Variants in SMAD2 observed in about 807,000 individuals in gnomAD.
SMAD2 encodes MAD homolog 2.
In SMAD2, 8 loss-of-function variants were observed where a neutral mutation model predicts 64.4. The observed-to-expected ratio is 0.12, with a 90% confidence interval of 0.07 to 0.22. SMAD2 has a LOEUF of 0.22. Ranked by LOEUF, SMAD2 falls within the 10% of genes least tolerant of loss-of-function variation. The pLI, the probability that SMAD2 is intolerant of heterozygous loss-of-function variation, is 1.00. For missense variants in SMAD2, 289 were observed against 561.2 expected, an observed-to-expected ratio of 0.51 and a Z score of 4.90; for synonymous variants, 203 against 195.8, an observed-to-expected ratio of 1.04 and a Z score of -0.31.
intron 6 of SMAD2, among the ~76,000 whole-genome samples, chr18:47,862,375 G>A (rs1013829331): frequency 1.3e-5 from 2 of 152,188 alleles, no homozygotes; most frequent in African/African-American, 4.8e-5. Context: ...TAAGTCCCAA[G>A]ACAAGGTGTC....
At chr18:47,847,700 C>CAAAA (rs58794971) in intron 8 of SMAD2, among the ~76,000 whole-genome samples, 25 of 111,884 alleles carry the variant, frequency 2.2e-4, no homozygotes, top group Admixed American at 9.8e-4. Context: ...ATTTCCAAAG[C>CAAAA]AAAAAAAAAA....
At chr18:47,903,766 A>G (rs1171840434) in intron 1 of SMAD2, among the ~76,000 whole-genome samples, 1 of 151,422 alleles carries the variant, frequency 6.6e-6, no homozygotes, top group Non-Finnish European at 1.5e-5. Flanking sequence ...AAACTATAGT[A>G]TTAGAAATTA....
chr18:47,922,625 C>G (rs1417959581), intron 1 of SMAD2: 1 of 151,988 alleles, frequency 6.6e-6, no homozygotes, highest in Admixed American at 6.6e-5. Context: ...CTGTGGAGAC[C>G]GAGATTTTTA....
Position 47,847,203 on chromosome 18 carries a change from T to C in SMAD2, c.997+1272A>G, listed in dbSNP as rs1013514594. Among the ~76,000 whole-genome samples, 7 of 152,268 alleles carry C rather than the reference T, an allele frequency of 4.6e-5. No individual in the cohort carries two copies. In the East Asian group the frequency reaches 1.3e-3, roughly 29 times the overall value. On this transcript the variant is annotated intron_variant, in intron 8 of 10. Coordinates refer to ENST00000262160, the MANE Select transcript of SMAD2 (RefSeq NM_005901.6). The stretch of plus-strand genomic sequence containing the variant: ...AAAAAACTATTTTAGTTAAAGCACC[T>C]ACAGCGACACTGGGTATCTTAATAA...
At position 47,824,309 on chromosome 18, in the gene SMAD2, G is replaced by A. The variant is rs532305777; in HGVS notation, c.*17518C>T. The A allele has an allele frequency of 6.6e-6, 1 of 152,322 alleles. No homozygotes were observed. The highest frequency in any genetic ancestry group is 1.9e-4 in the East Asian group (1 of 5,186). The allele number at this position is 152,322 out of a possible 1,614,324, so 9.4% of individuals were successfully genotyped here. On this transcript the variant is annotated 3_prime_UTR_variant, in exon 11 of 11. Coordinates refer to ENST00000262160, the MANE Select transcript of SMAD2 (RefSeq NM_005901.6). ...ACCTCAAAGACCCAGAAGAAACCAC[G>A]CCAGCTTGCACAAACACTATTCGCA...
At chr18:47,921,051 G>C (rs1394570146) in intron 1 of SMAD2, among the ~76,000 whole-genome samples, 3 of 152,212 alleles carry the variant, frequency 2.0e-5, no homozygotes, top group African/African-American at 7.2e-5. Context: ...CAACTACTCA[G>C]GTAGCTGAGG....
At position 47,839,335 on chromosome 18, in the gene SMAD2, A is replaced by G. The variant is rs1475632336; in HGVS notation, c.*2492T>C. On this transcript the variant is annotated 3_prime_UTR_variant, in exon 11 of 11. Transcript: ENST00000262160. ...TTTCAGAGTTGTTTTCTGCCCCTAC[A>G]ACTGTTCCCTAACACCATTACAAGT... 1 of 233,280 alleles carries G rather than the reference A, an allele frequency of 4.3e-6. No homozygotes were observed. The highest frequency in any genetic ancestry group is 8.5e-6 in the Non-Finnish European group (1 of 118,080). The allele number at this position is 233,280 out of a possible 1,614,324, so 14.5% of individuals were successfully genotyped here.
intron 5 of SMAD2, among the ~76,000 whole-genome samples, chr18:47,866,559 A>G (rs1210634858): frequency 1.3e-5 from 2 of 152,156 alleles, no homozygotes. Context: ...TAAAGCTAAT[A>G]AAGTTAAACG....
At chr18:47,862,457 T>C (rs1470717843) in intron 6 of SMAD2, among the ~76,000 whole-genome samples, 1 of 152,206 alleles carries the variant, frequency 6.6e-6, no homozygotes, top group Non-Finnish European at 1.5e-5. Flanking sequence ...CTTTTGGGTT[T>C]CCCAACAATC....
rs1243850370 is a variant in SMAD2 at position 47,840,726 on chromosome 18, A to T, written c.*1101T>A. On this transcript the variant is annotated 3_prime_UTR_variant, in exon 11 of 11. Coordinates refer to ENST00000262160, the MANE Select transcript of SMAD2 (RefSeq NM_005901.6). ...GCAATCTGGTTACTAAACCAAATCA[A>T]ACTACTCGAAGAGCAGAAGGTCTGC... 1 of 230,822 alleles carries T rather than the reference A, an allele frequency of 4.3e-6. No individual in the cohort carries two copies. Among genetic ancestry groups the T allele is most frequent in the Non-Finnish European group, 8.6e-6 (1 of 116,620 alleles). 14.3% of individuals were successfully genotyped at this position (230,822 alleles called of 1,614,324 possible). A position where few individuals can be genotyped will look rare whatever the true frequency, so the allele number is the denominator to read the frequency against.
intron 2 of SMAD2, among the ~76,000 whole-genome samples, chr18:47,896,170 G>T (rs1183162730): frequency 6.6e-6 from 1 of 152,194 alleles, no homozygotes; most frequent in African/African-American, 2.4e-5. Context: ...CACCCCTGAT[G>T]AAAGTTTTGA....
At chr18:47,896,403 A>C in intron 2 of SMAD2, 118 bp downstream of exon 2, 2 of 1,029,666 alleles carry the variant, frequency 1.9e-6, no homozygotes, top group East Asian at 2.5e-5. Flanking sequence ...CAAGGTTAAA[A>C]ACAGTCATAT....
At chr18:47,885,852 TTC>T (rs2032874003) in intron 2 of SMAD2, among the ~76,000 whole-genome samples, 1 of 152,064 alleles carries the variant, frequency 6.6e-6, no homozygotes. Flanking sequence ...ATCCCAGGTA[TTC>T]AAGAGGCTGA....
intron 2 of SMAD2, among the ~76,000 whole-genome samples, chr18:47,894,804 C>T (rs1019823988): frequency 2.0e-5 from 3 of 152,188 alleles, no homozygotes; most frequent in Admixed American, 1.3e-4. Context: ...GAAGAGCACA[C>T]CAGGCACATA....
chr18:47,814,199 CAA>C lies in SMAD2; in HGVS notation c.*27626_*27627del, dbSNP rs2144225769. The C allele has an allele frequency of 6.6e-6, 1 of 152,226 alleles. No individual in the cohort carries two copies. Among genetic ancestry groups the C allele is most frequent in the South Asian group, 2.1e-4 (1 of 4,814 alleles). The allele number at this position is 152,226 out of a possible 1,614,324, so 9.4% of individuals were successfully genotyped here. On this transcript the variant is annotated 3_prime_UTR_variant, in exon 11 of 11. Coordinates refer to ENST00000262160, the MANE Select transcript of SMAD2 (RefSeq NM_005901.6). ...CATATATGCCCCCCTGCTGTCTTTCCAATAAAGGTAAGCCCTGAAGCCTGACA... is the reference window on the plus strand; with the variant it reads ...CATATATGCCCCCCTGCTGTCTTTCCTAAAGGTAAGCCCTGAAGCCTGACA...
intron 6 of SMAD2, among the ~76,000 whole-genome samples, chr18:47,854,891 A>G (rs1280490448): frequency 2.0e-5 from 3 of 152,194 alleles, no homozygotes; most frequent in Admixed American, 6.5e-5. Flanking sequence ...AATTTACATT[A>G]GGGCTATGTT....
chr18:47,864,219 C>T (rs574033322), intron 6 of SMAD2, among the ~76,000 whole-genome samples: 1 of 152,274 alleles, frequency 6.6e-6, no homozygotes, highest in South Asian at 2.1e-4. Context: ...TACTCCTAAA[C>T]ACCCAAATGT....
chr18:47,913,602 A>G (rs78585165), intron 1 of SMAD2, among the ~76,000 whole-genome samples: 2,318 of 152,332 alleles, frequency 0.015, 62 homozygotes, highest in African/African-American at 0.053. Flanking sequence ...TTAAGCTTTT[A>G]TTTTAAAAAC....
chr18:47,915,213 C>A (rs978130077), intron 1 of SMAD2, among the ~76,000 whole-genome samples: 3 of 152,186 alleles, frequency 2.0e-5, no homozygotes, highest in South Asian at 2.1e-4. Flanking sequence ...TTCCCTCCCT[C>A]TTGCTTCTCA....
Sources: gnomAD v4.1 joint callset for allele counts (sites outside exome capture counted in the v4.1 genomes callset) on GRCh38, gnomAD v4.1.1 for gene constraint, MANE v1.5 for transcripts, NCBI Gene and HGNC (gene_info 2026-07-23, HGNC 2026-07-21) for gene names.